The following ATP4A variants were observed in gnomAD, a reference collection of about 807,000 sequenced individuals.
ATP4A encodes the protein potassium-transporting ATPase alpha chain 1.
ATP4A carries 73 observed loss-of-function variants against 112.1 expected under a neutral mutation model. That is an observed-to-expected ratio of 0.65 (90% CI 0.54 to 0.79). The LOEUF is 0.79. ATP4A is among the 30% of genes least tolerant of loss of function. The pLI is 0.00. For synonymous variants in ATP4A, 588 were observed against 588.9 expected, an observed-to-expected ratio of 1.00 and a Z score of 0.02; for missense variants, 1,081 against 1,425.9, an observed-to-expected ratio of 0.76 and a Z score of 3.90.
chr19:35,558,700 G>A lies in ATP4A; in HGVS notation c.1256-14C>T. The A allele has an allele frequency of 6.3e-7, 1 of 1,575,852 alleles. No individual in the cohort carries two copies. Reference sequence around the variant, plus strand: ...CAAACGTCTGCCCTGCAGACCAGGCGTCCAGGCTGGGTCCCGCACGGCGGC... The same window carrying A: ...CAAACGTCTGCCCTGCAGACCAGGCATCCAGGCTGGGTCCCGCACGGCGGC... On this transcript the variant is annotated splice_polypyrimidine_tract_variant and intron_variant, in intron 8 of 21. Coordinates refer to ENST00000262623, the MANE Select transcript of ATP4A (RefSeq NM_000704.3). The surrounding 1 kb of genome is among the most constrained non-coding windows in gnomAD (Gnocchi z 5.1).
At position 35,558,663 on chromosome 19, in the gene ATP4A, C is replaced by T. The variant is rs776143756; in HGVS notation, c.1279G>A (p.Glu427Lys). The T allele has an allele frequency of 6.2e-7, 1 of 1,602,436 alleles. No homozygotes were observed. Among genetic ancestry groups the T allele is most frequent in the Non-Finnish European group, 8.5e-7 (1 of 1,176,350 alleles). Reference protein sequence around the residue: ...QSGQTFDQSSETWRALCRVLT... With the variant: ...QSGQTFDQSSKTWRALCRVLT... The stretch of plus-strand genomic sequence containing the variant: ...ACCCGGCACAGCGCCCGCCACGTCT[C>T]CGAGGACTGGTCAAACGTCTGCCCT... Residue 427 changes from glutamate to lysine, a missense_variant, in exon 9 of 22, where the codon GAG (glutamate) becomes AAG (lysine). Physicochemically the swap from Glu to Lys is moderately conservative, Grantham distance 56. Coordinates refer to ENST00000262623, the MANE Select transcript of ATP4A (RefSeq NM_000704.3). The surrounding 1 kb of genome is among the most constrained non-coding windows in gnomAD (Gnocchi z 5.1).
chr19:35,556,137 C>A (rs1403759708), intron 12 of ATP4A, among the ~76,000 whole-genome samples: 1 of 152,108 alleles, frequency 6.6e-6, no homozygotes, highest in East Asian at 1.9e-4. Flanking sequence ...TGAGCAGAGA[C>A]CTGTAAGAGG....
chr19:35,551,619 C>G lies in ATP4A; in HGVS notation c.2752-39G>C, dbSNP rs746683993. The G allele has an allele frequency of 3.8e-6, 6 of 1,597,458 alleles. No homozygotes were observed. Among genetic ancestry groups the G allele is most frequent in the Non-Finnish European group, 3.4e-6 (4 of 1,171,950 alleles). On this transcript the variant is annotated intron_variant, in intron 18 of 21. Coordinates refer to ENST00000262623, the MANE Select transcript of ATP4A (RefSeq NM_000704.3). This position sits in a 1 kb window ranked among gnomAD's most constrained non-coding sequence, Gnocchi z 5.2. The stretch of plus-strand genomic sequence containing the variant: ...GCAAACGGAAACAGCCTGAGTCCAG[C>G]CTGAGTCCCGGCGGAGAGCCTCTGC...
Position 35,559,887 on chromosome 19 carries a change from C to T in ATP4A, c.974G>A (p.Gly325Asp). 1.2e-6 allele frequency: 2 copies of T among 1,614,182 alleles called. No individual in the cohort carries two copies. Among genetic ancestry groups the T allele is most frequent in the South Asian group, 2.2e-5 (2 of 91,088 alleles). ...GACCATGGCCCGCAGGAAGGTGTAG[C>T]CAATGCACATGGCCACAATAAAAAA... ...ATFFIVAMCI[G>D]YTFLRAMVFF... The change falls in exon 7 of 22, where the codon GGC becomes GAC. Residue 325 changes from glycine to aspartate, a missense_variant. Coordinates refer to ENST00000262623, the MANE Select transcript of ATP4A (RefSeq NM_000704.3). This position sits in a 1 kb window ranked among gnomAD's most constrained non-coding sequence, Gnocchi z 4.1.
chr19:35,559,250 C>T lies in ATP4A; in HGVS notation c.1057-59G>A. The T allele has an allele frequency of 6.4e-7, 1 of 1,573,556 alleles. No individual in the cohort carries two copies. Among genetic ancestry groups the T allele is most frequent in the South Asian group, 1.1e-5 (1 of 90,126 alleles). On this transcript the variant is annotated intron_variant, in intron 7 of 21. Coordinates refer to ENST00000262623, the MANE Select transcript of ATP4A (RefSeq NM_000704.3). The surrounding 1 kb of genome is among the most constrained non-coding windows in gnomAD (Gnocchi z 4.1). ...CCACCCTGGCTTCCAGTCCTCTTCC[C>T]CGCGTCAAAGAACGGGGAAGGCTTT... is the stretch of plus-strand genomic sequence containing the variant.
chr19:35,550,647 GGA>G lies in ATP4A; in HGVS notation c.3080-6_3080-5del, dbSNP rs777272846. 4.3e-6 allele frequency: 7 copies of G among 1,613,732 alleles called. No homozygotes were observed. The East Asian group carries it at 8.9e-5, about 21-fold the overall frequency. ...TAGAGTTCCTGGTCCCACCAGCCTG[GGA>G]GAGAGAGGGAGAAAGGAGACTCAGT... On this transcript the variant is annotated splice_region_variant and splice_polypyrimidine_tract_variant and intron_variant, in intron 21 of 21. Coordinates refer to ENST00000262623, the MANE Select transcript of ATP4A (RefSeq NM_000704.3). The surrounding 1 kb of genome is among the most constrained non-coding windows in gnomAD (Gnocchi z 4.1).
At position 35,562,652 on chromosome 19, in the gene ATP4A, G is replaced by A. The variant is rs755838664; in HGVS notation, c.217-14C>T. 5.7e-5 allele frequency: 90 copies of A among 1,572,904 alleles called. No individual in the cohort carries two copies. The Middle Eastern group carries it at 3.1e-3, about 55-fold the overall frequency. ...CGCAGAGAGGCCCTGGGACAGAGGG[G>A]CAGGGCGAGGCGGTCCTGGGGGCTT... is the stretch of plus-strand genomic sequence containing the variant. On this transcript the variant is annotated splice_polypyrimidine_tract_variant and intron_variant, in intron 3 of 21. Transcript: ENST00000262623.
At position 35,560,964 on chromosome 19, in the gene ATP4A, A is replaced by T; in HGVS notation, c.421-32T>A. ...ACAGGGAAGGGGTGGGGTTATTCAG[A>T]GGGGCCGGAAGCTGCCTGCCTGAGG... On this transcript the variant is annotated intron_variant, in intron 4 of 21. Coordinates refer to ENST00000262623, the MANE Select transcript of ATP4A (RefSeq NM_000704.3). This position sits in a 1 kb window ranked among gnomAD's most constrained non-coding sequence, Gnocchi z 5.1. 6.3e-7 allele frequency: 1 copy of T among 1,596,974 alleles called. No individual in the cohort carries two copies. Among genetic ancestry groups the T allele is most frequent in the Middle Eastern group, 1.7e-4 (1 of 5,946 alleles).
At position 35,550,446 on chromosome 19, in the gene ATP4A, GA is replaced by G. The variant is rs2071594836; in HGVS notation, c.*168del. The G allele has an allele frequency of 7.4e-6, 6 of 806,608 alleles. No individual in the cohort carries two copies. Among genetic ancestry groups the G allele is most frequent in the Non-Finnish European group, 1.2e-5 (6 of 509,992 alleles). 50.0% of individuals were successfully genotyped at this position (806,608 alleles called of 1,614,324 possible). Reference sequence around the variant, plus strand: ...TGCGAACCTTGGGAATGGGGGAGGGGAGTGGGCAGGTCCCTCCAAGTTTGGG... The same window carrying G: ...TGCGAACCTTGGGAATGGGGGAGGGGGTGGGCAGGTCCCTCCAAGTTTGGG... On this transcript the variant is annotated 3_prime_UTR_variant, in exon 22 of 22. Transcript: ENST00000262623. This position sits in a 1 kb window ranked among gnomAD's most constrained non-coding sequence, Gnocchi z 4.1.
In ATP4A at chr19:35,560,157, A is replaced by G; in HGVS notation, c.788-84T>C. Reference sequence around the variant, plus strand: ...CGTGTGAGCTGAAGGACAGCCAGTCACTGCCAGTGGAGGATGTGACCTGGG... The same window carrying G: ...CGTGTGAGCTGAAGGACAGCCAGTCGCTGCCAGTGGAGGATGTGACCTGGG... On this transcript the variant is annotated intron_variant, in intron 6 of 21. Coordinates refer to ENST00000262623, the MANE Select transcript of ATP4A (RefSeq NM_000704.3). The surrounding 1 kb of genome is among the most constrained non-coding windows in gnomAD (Gnocchi z 5.1). 1 of 1,566,404 alleles carries G rather than the reference A, an allele frequency of 6.4e-7. No homozygotes were observed. Among genetic ancestry groups the G allele is most frequent in the Non-Finnish European group, 8.7e-7 (1 of 1,151,932 alleles).
At position 35,551,295 on chromosome 19, in the gene ATP4A, G is replaced by A. The variant is rs1386705677; in HGVS notation, c.2885+152C>T. 1.5e-6 allele frequency: 2 copies of A among 1,313,570 alleles called. No homozygotes were observed. Among genetic ancestry groups the A allele is most frequent in the Non-Finnish European group, 2.1e-6 (2 of 951,946 alleles). 81.4% of individuals were successfully genotyped at this position (1,313,570 alleles called of 1,614,324 possible). A position where few individuals can be genotyped will look rare whatever the true frequency, so the allele number is the denominator to read the frequency against. Reference sequence around the variant, plus strand: ...TGAAATGTGGAGGGGGCCGTGGGGGGAGTTATTGGCCAGTTAGAAAGGTTT... The same window carrying A: ...TGAAATGTGGAGGGGGCCGTGGGGGAAGTTATTGGCCAGTTAGAAAGGTTT... On this transcript the variant is annotated intron_variant, in intron 19 of 21. Transcript: ENST00000262623. The surrounding 1 kb of genome is among the most constrained non-coding windows in gnomAD (Gnocchi z 5.2).
rs1344942743 is a variant in ATP4A at position 35,559,395 on chromosome 19, A to C, written c.1057-204T>G. Reference sequence around the variant, plus strand: ...CTCCTTCCCCAGTCTGCCCAGATACAGTAGCGAGGCCCCTCTCTGAGCTGT... The same window carrying C: ...CTCCTTCCCCAGTCTGCCCAGATACCGTAGCGAGGCCCCTCTCTGAGCTGT... On this transcript the variant is annotated intron_variant, in intron 7 of 21. Transcript: ENST00000262623. This position sits in a 1 kb window ranked among gnomAD's most constrained non-coding sequence, Gnocchi z 4.1. Among the ~76,000 whole-genome samples the C allele has an allele frequency of 6.6e-6, 1 of 152,264 alleles. No individual in the cohort carries two copies. The highest frequency in any genetic ancestry group is 2.4e-5 in the African/African-American group (1 of 41,472).
At chr19:35,561,911 A>G (rs1448033038) in intron 4 of ATP4A, among the ~76,000 whole-genome samples, 1 of 136,546 alleles carries the variant, frequency 7.3e-6, no homozygotes, top group Non-Finnish European at 1.5e-5. Context: ...GCTGGAGTGC[A>G]GTGGCATGGT....
rs1009316996 is a variant in ATP4A, at chr19:35,558,219, G to A, written c.1500+143C>T. The A allele has an allele frequency of 8.8e-7, 1 of 1,138,062 alleles. No homozygotes were observed. Among genetic ancestry groups the A allele is most frequent in the African/African-American group, 1.6e-5 (1 of 63,622 alleles). The allele number at this position is 1,138,062 out of a possible 1,614,324, so 70.5% of individuals were successfully genotyped here. On this transcript the variant is annotated intron_variant, in intron 10 of 21. Transcript: ENST00000262623. This position sits in a 1 kb window ranked among gnomAD's most constrained non-coding sequence, Gnocchi z 5.1. ...CTTGCCTCTGGTGGACGGGGCCATA[G>A]GCGGAGCGGGAGATGGGGTGGGGTT...
rs1568314800 is a variant in ATP4A at position 35,557,888 on chromosome 19, CGGGGCGGGGCTGTGG to C, written c.1501-56_1501-42del. 1.1e-5 allele frequency: 5 copies of C among 474,400 alleles called. No homozygotes were observed. Among genetic ancestry groups the C allele is most frequent in the East Asian group, 1.3e-4 (2 of 15,364 alleles). The allele number at this position is 474,400 out of a possible 1,614,324, so 29.4% of individuals were successfully genotyped here. ...AGAGGCGAGGCTGTGGACGGGGGAA[CGGGGCGGGGCTGTGG>C]ACGAGGGAACGGGGCGGGGCTGAGG... On this transcript the variant is annotated intron_variant, in intron 10 of 21. Transcript: ENST00000262623. The surrounding 1 kb of genome is among the most constrained non-coding windows in gnomAD (Gnocchi z 4.4).
chr19:35,550,494 G>A lies in ATP4A; in HGVS notation c.*121C>T. ...TGGGGTGCCGTGGGCTACAGAAGCA[G>A]ATACTGGTGGGGCTGGGACTCTTGG... is the stretch of plus-strand genomic sequence containing the variant. On this transcript the variant is annotated 3_prime_UTR_variant, in exon 22 of 22. Coordinates refer to ENST00000262623, the MANE Select transcript of ATP4A (RefSeq NM_000704.3). The surrounding 1 kb of genome is among the most constrained non-coding windows in gnomAD (Gnocchi z 4.1). 5 of 1,347,336 alleles carry A rather than the reference G, an allele frequency of 3.7e-6. No individual in the cohort carries two copies. The highest frequency in any genetic ancestry group is 5.2e-6 in the Non-Finnish European group (5 of 964,220). The allele number at this position is 1,347,336 out of a possible 1,614,324, so 83.5% of individuals were successfully genotyped here.
Position 35,551,255 on chromosome 19 carries a change from G to GT in ATP4A, c.2886-145_2886-144insA, listed in dbSNP as rs1192566859. On this transcript the variant is annotated intron_variant, in intron 19 of 21. Coordinates refer to ENST00000262623, the MANE Select transcript of ATP4A (RefSeq NM_000704.3). The surrounding 1 kb of genome is among the most constrained non-coding windows in gnomAD (Gnocchi z 5.2). Reference sequence around the variant, plus strand: ...ACACTGGAGTGGCCCGGGCCTCTCAGCACCACCCCTTTAGTGAAATGTGGA... The same window carrying GT: ...ACACTGGAGTGGCCCGGGCCTCTCAGTCACCACCCCTTTAGTGAAATGTGGA... 4 of 1,208,830 alleles carry GT rather than the reference G, an allele frequency of 3.3e-6. No homozygotes were observed. The highest frequency in any genetic ancestry group is 4.7e-6 in the Non-Finnish European group (4 of 856,112). The allele number at this position is 1,208,830 out of a possible 1,614,324, so 74.9% of individuals were successfully genotyped here.
chr19:35,560,131 C>T lies in ATP4A; in HGVS notation c.788-58G>A. On this transcript the variant is annotated intron_variant, in intron 6 of 21. Coordinates refer to ENST00000262623, the MANE Select transcript of ATP4A (RefSeq NM_000704.3). The surrounding 1 kb of genome is among the most constrained non-coding windows in gnomAD (Gnocchi z 5.1). ...GGGGGCGGCAGTGGGGTGTGCACTG[C>T]CGTGTGAGCTGAAGGACAGCCAGTC... 3 of 1,594,958 alleles carry T rather than the reference C, an allele frequency of 1.9e-6. No individual in the cohort carries two copies. Among genetic ancestry groups the T allele is most frequent in the Non-Finnish European group, 1.7e-6 (2 of 1,169,656 alleles).
Position 35,555,894 on chromosome 19 carries a change from A to G in ATP4A, c.1870-82T>C. 1.3e-6 allele frequency: 2 copies of G among 1,515,728 alleles called. No individual in the cohort carries two copies. Among genetic ancestry groups the G allele is most frequent in the Non-Finnish European group, 1.8e-6 (2 of 1,128,038 alleles). 93.9% of individuals were successfully genotyped at this position (1,515,728 alleles called of 1,614,324 possible). A position where few individuals can be genotyped will look rare whatever the true frequency, so the allele number is the denominator to read the frequency against. Reference sequence around the variant, plus strand: ...CTCCCTGGGAGACATCTGCTGATACACGTGTTCATTTACTTGACCAAGCGT... The same window carrying G: ...CTCCCTGGGAGACATCTGCTGATACGCGTGTTCATTTACTTGACCAAGCGT... On this transcript the variant is annotated intron_variant, in intron 12 of 21. Transcript: ENST00000262623. The surrounding 1 kb of genome is among the most constrained non-coding windows in gnomAD (Gnocchi z 6.6).
Sources: gnomAD v4.1 joint callset for allele counts (sites outside exome capture counted in the v4.1 genomes callset) on GRCh38, gnomAD v4.1.1 for gene constraint, Gnocchi (gnomAD v3.1) non-coding constraint, MANE v1.5 for transcripts, NCBI Gene and HGNC (gene_info 2026-07-23, HGNC 2026-07-21) for gene names.